Variants in OTULIN observed in about 807,000 individuals in gnomAD.
OTULIN encodes ubiquitin thioesterase otulin.
A neutral mutation model predicts 39.6 loss-of-function variants in OTULIN; 15 were observed. The ratio of observed to expected loss-of-function variants is 0.38; its 90% CI spans 0.25 to 0.58. The LOEUF is 0.58. Among genes scored for constraint, OTULIN ranks in the 20% least tolerant of loss-of-function variants. The pLI, the probability that OTULIN is intolerant of heterozygous loss-of-function variation, is 0.66. For missense variants in OTULIN, 319 were observed against 445.9 expected (o/e 0.72, Z 2.56); for synonymous variants, 156 against 170.3 (o/e 0.92, Z 0.65).
the OTULIN span, chr5:14,713,756 C>A: frequency 6.3e-7 from 1 of 1,583,926 alleles, no homozygotes. The surrounding 1 kb of genome is among the most constrained non-coding windows in gnomAD (Gnocchi z 4.4). Context: ...CATCCGAGAG[C>A]CAGGGGCTGC....
rs1204076981 is a variant in OTULIN at position 14,678,788 on chromosome 5, G to T, written c.324+13G>T. 6.5e-7 allele frequency: 1 copy of T among 1,547,834 alleles called. No individual in the cohort carries two copies. Among genetic ancestry groups the T allele is most frequent in the Non-Finnish European group, 8.8e-7 (1 of 1,141,306 alleles). On this transcript the variant is annotated intron_variant, in intron 3 of 6. Transcript: ENST00000284274. Reference sequence around the variant, plus strand: ...GTGTATGAAAATGGTATGACACAGAGGTGCACATATTTCAGGTCTTTCAAA... The same window carrying T: ...GTGTATGAAAATGGTATGACACAGATGTGCACATATTTCAGGTCTTTCAAA...
At chr5:14,675,924 T>TA (rs1261627680) in intron 2 of OTULIN, among the ~76,000 whole-genome samples, 1 of 152,264 alleles carries the variant, frequency 6.6e-6, no homozygotes. Context: ...GTTTTGTCGA[T>TA]AAAGATTTTT....
chr5:14,672,385 T>C (rs1393935762), intron 1 of OTULIN, among the ~76,000 whole-genome samples: 1 of 152,118 alleles, frequency 6.6e-6, no homozygotes, highest in Non-Finnish European at 1.5e-5. Flanking sequence ...CCCTTCTTCA[T>C]CTGTCTCTTG....
the OTULIN span, chr5:14,710,525 C>T: frequency 6.5e-6 from 1 of 154,808 alleles, no homozygotes; most frequent in African/African-American, 2.4e-5. Flanking sequence ...AGTTTGCTGC[C>T]CCCGGGGCAT....
Position 14,687,386 on chromosome 5 carries a change from A to C in OTULIN, c.469-135A>C, listed in dbSNP as rs1736413183. Reference sequence around the variant, plus strand: ...TTTAGGTCCTCCATCCTAAGCCCACATCACAGATTTGCAGAATTAATTCTG... The same window carrying C: ...TTTAGGTCCTCCATCCTAAGCCCACCTCACAGATTTGCAGAATTAATTCTG... On this transcript the variant is annotated intron_variant, in intron 4 of 6. Coordinates refer to ENST00000284274, the MANE Select transcript of OTULIN (RefSeq NM_138348.6). The C allele has an allele frequency of 1.3e-5, 14 of 1,068,760 alleles. No individual in the cohort carries two copies. The South Asian group carries it at 2.2e-4, about 17-fold the overall frequency. The allele number at this position is 1,068,760 out of a possible 1,614,324, so 66.2% of individuals were successfully genotyped here.
the OTULIN span, among the ~76,000 whole-genome samples, chr5:14,714,216 C>T: frequency 6.6e-6 from 1 of 152,246 alleles, no homozygotes; most frequent in Admixed American, 6.5e-5. Flanking sequence ...TTCCCTTTCT[C>T]CCTCCTAATG....
downstream of OTULIN, among the ~76,000 whole-genome samples, chr5:14,702,238 G>T (rs1005524393): frequency 1.3e-5 from 2 of 152,232 alleles, no homozygotes; most frequent in East Asian, 3.8e-4. Flanking sequence ...GGAGACAGGA[G>T]AAAATGTGGA....
chr5:14,711,792 C>T, the OTULIN span, among the ~76,000 whole-genome samples: 1 of 152,246 alleles, frequency 6.6e-6, no homozygotes, highest in Non-Finnish European at 1.5e-5. Context: ...AGTTCCTGGT[C>T]ACTTCCCTGC....
chr5:14,666,844 C>T (rs1735860178), intron 1 of OTULIN, among the ~76,000 whole-genome samples: 1 of 152,136 alleles, frequency 6.6e-6, no homozygotes, highest in African/African-American at 2.4e-5. Flanking sequence ...GGCTGTTTCT[C>T]TATGGTATTT....
At chr5:14,673,284 A>G (rs1292739819) in intron 1 of OTULIN, among the ~76,000 whole-genome samples, 2 of 152,236 alleles carry the variant, frequency 1.3e-5, no homozygotes, top group Non-Finnish European at 2.9e-5. Flanking sequence ...CCATTCTTGG[A>G]ACTTGACAGA....
chr5:14,664,719 G>GA lies in OTULIN; in HGVS notation c.-104dup. 3.7e-6 allele frequency: 4 copies of GA among 1,067,230 alleles called. No homozygotes were observed. The South Asian group carries it at 1.8e-4, about 49-fold the overall frequency. 66.1% of individuals were successfully genotyped at this position (1,067,230 alleles called of 1,614,324 possible). A position where few individuals can be genotyped will look rare whatever the true frequency, so the allele number is the denominator to read the frequency against. ...CGCGGAAGCGCTCTGCGGGCCCTCG[G>GA]AAACCGCCCCGGCGGCTGAGAGGCT... On this transcript the variant is annotated 5_prime_UTR_variant, in exon 1 of 7. Transcript: ENST00000284274.
chr5:14,666,273 A>G (rs77409750), intron 1 of OTULIN, among the ~76,000 whole-genome samples: 1,734 of 152,356 alleles, frequency 0.011, 29 homozygotes, highest in African/African-American at 0.04. Flanking sequence ...TCTGGTGGAC[A>G]TGATTCTCAT....
the OTULIN span, among the ~76,000 whole-genome samples, chr5:14,712,309 C>G: frequency 6.6e-6 from 1 of 152,256 alleles, no homozygotes; most frequent in Non-Finnish European, 1.5e-5. Context: ...TGTTTCCCCA[C>G]CCATGTGTCC....
Position 14,690,354 on chromosome 5 carries a change from T to G in OTULIN, c.864+46T>G. The G allele has an allele frequency of 6.3e-7, 1 of 1,587,022 alleles. No homozygotes were observed. The highest frequency in any genetic ancestry group is 8.6e-7 in the Non-Finnish European group (1 of 1,167,012). ...TGTATTACCCCAAAATAAAGCAGCT[T>G]TACTGATCAAACTTGATGTCACAGT... is the stretch of plus-strand genomic sequence containing the variant. On this transcript the variant is annotated intron_variant, in intron 6 of 6. Coordinates refer to ENST00000284274, the MANE Select transcript of OTULIN (RefSeq NM_138348.6). This position sits in a 1 kb window ranked among gnomAD's most constrained non-coding sequence, Gnocchi z 4.5.
the OTULIN span, chr5:14,710,721 C>G: frequency 5.4e-6 from 1 of 185,724 alleles, no homozygotes; most frequent in African/African-American, 2.4e-5. Flanking sequence ...GGGGCTCCAT[C>G]TCTTTGTACG....
chr5:14,666,172 C>T (rs1384958161), intron 1 of OTULIN, among the ~76,000 whole-genome samples: 1 of 152,178 alleles, frequency 6.6e-6, no homozygotes, highest in South Asian at 2.1e-4. Flanking sequence ...GCATGCACCT[C>T]GGCCCCAGCT....
intron 1 of OTULIN, among the ~76,000 whole-genome samples, chr5:14,669,074 G>C (rs544297789): frequency 4.6e-5 from 7 of 152,254 alleles, no homozygotes; most frequent in African/African-American, 1.7e-4. Context: ...AGAGAAAATA[G>C]GTAAATAGGC....
the OTULIN span, chr5:14,710,746 A>G: frequency 5.0e-6 from 1 of 198,552 alleles, no homozygotes; most frequent in African/African-American, 2.3e-5. Context: ...TGTGACTGGG[A>G]AGCAAATCAA....
intron 1 of OTULIN, among the ~76,000 whole-genome samples, chr5:14,670,062 A>G (rs1321491802): frequency 6.6e-6 from 1 of 152,222 alleles, no homozygotes; most frequent in Non-Finnish European, 1.5e-5. Context: ...TCCTTTAACA[A>G]ATTTTAACTG....
Sources: allele counts gnomAD v4.1 joint callset (sites outside exome capture counted in the v4.1 genomes callset), GRCh38; gene constraint gnomAD v4.1.1; non-coding constraint Gnocchi (gnomAD v3.1); transcripts MANE v1.5; gene names NCBI Gene and HGNC (gene_info 2026-07-23, HGNC 2026-07-21).